The following ZFP64 variants were observed in gnomAD, a reference collection of about 807,000 sequenced individuals.
ZFP64 encodes the protein zinc finger protein 64.
A neutral mutation model predicts 51.6 loss-of-function variants in ZFP64; 14 were observed. The observed-to-expected ratio is 0.27, with a 90% confidence interval of 0.18 to 0.42. The LOEUF (loss-of-function observed/expected upper bound fraction) is 0.42, where lower values mean the gene tolerates loss of function less well. Among genes scored for constraint, ZFP64 ranks in the 10% least tolerant of loss-of-function variants. The pLI is 1.00. For missense variants in ZFP64, 754 were observed against 906.8 expected, an observed-to-expected ratio of 0.83 and a Z score of 2.16; for synonymous variants, 375 against 361.4, an observed-to-expected ratio of 1.04 and a Z score of -0.43.
intron 5 of ZFP64, chr20:52,105,097 C>A: frequency 7.2e-7 from 1 of 1,395,034 alleles, no homozygotes; most frequent in African/African-American, 1.5e-5. Flanking sequence ...CACCGGCCCC[C>A]AGCCCCCGGG....
rs1326706798 is a variant in ZFP64, at chr20:52,085,414, TA to T, written c.1229-149del. Reference sequence around the variant, plus strand: ...TCCTAATGACAACACTTGTTGTGCATATTAATGCAATCCTCACAACAATCCT... The same window carrying T: ...TCCTAATGACAACACTTGTTGTGCATTTAATGCAATCCTCACAACAATCCT... On this transcript the variant is annotated intron_variant, in intron 8 of 8. Coordinates refer to the ZFP64 transcript ENST00000361387. This position sits in a 1 kb window ranked among gnomAD's most constrained non-coding sequence, Gnocchi z 4.3. The T allele has an allele frequency of 1.2e-6, 1 of 848,522 alleles. No individual in the cohort carries two copies. Among genetic ancestry groups the T allele is most frequent in the Non-Finnish European group, 1.8e-6 (1 of 559,986 alleles). The allele number at this position is 848,522 out of a possible 1,614,324, so 52.6% of individuals were successfully genotyped here. A position where few individuals can be genotyped will look rare whatever the true frequency, so the allele number is the denominator to read the frequency against.
At chr20:52,157,255 A>C (rs1397640298) in intron 5 of ZFP64, among the ~76,000 whole-genome samples, 1 of 152,248 alleles carries the variant, frequency 6.6e-6, no homozygotes, top group Non-Finnish European at 1.5e-5. Context: ...GTTAAATGCC[A>C]AAAGTGCCTA....
chr20:52,138,135 A>T (rs1980074586), intron 5 of ZFP64, among the ~76,000 whole-genome samples: 1 of 152,106 alleles, frequency 6.6e-6, no homozygotes. Context: ...TGGGCTGGGG[A>T]GGTAAAGGCT....
intron 2 of ZFP64, among the ~76,000 whole-genome samples, chr20:52,175,545 T>C (rs1479246794): frequency 1.3e-5 from 2 of 152,170 alleles, no homozygotes; most frequent in East Asian, 3.9e-4. Flanking sequence ...AACTGTAAAC[T>C]CAGAATTCAC....
chr20:52,122,231 T>C (rs191960886), intron 5 of ZFP64, among the ~76,000 whole-genome samples: 1 of 152,170 alleles, frequency 6.6e-6, no homozygotes, highest in East Asian at 1.9e-4. Flanking sequence ...ATTTAAGAAA[T>C]ACATTTTACT....
At chr20:52,114,630 T>C (rs1215482830) in intron 5 of ZFP64, among the ~76,000 whole-genome samples, 1 of 152,160 alleles carries the variant, frequency 6.6e-6, no homozygotes, top group African/African-American at 2.4e-5. Context: ...TACAGGGAAA[T>C]TGGTTTTCTA....
At chr20:52,142,569 C>G (rs866879968) in intron 5 of ZFP64, among the ~76,000 whole-genome samples, 2 of 151,890 alleles carry the variant, frequency 1.3e-5, no homozygotes, top group Non-Finnish European at 2.9e-5. Flanking sequence ...AGGCCAAGTG[C>G]GGTGGCGCAT....
In ZFP64 at chr20:52,191,730, A is replaced by C; in HGVS notation, c.-94T>G. The C allele has an allele frequency of 2.2e-6, 3 of 1,377,886 alleles. No individual in the cohort carries two copies. Among genetic ancestry groups the C allele is most frequent in the Non-Finnish European group, 1.9e-6 (2 of 1,044,812 alleles). 85.4% of individuals were successfully genotyped at this position (1,377,886 alleles called of 1,614,324 possible). A position where few individuals can be genotyped will look rare whatever the true frequency, so the allele number is the denominator to read the frequency against. On this transcript the variant is annotated 5_prime_UTR_variant, in exon 1 of 6. Transcript: ENST00000216923. This position sits in a 1 kb window ranked among gnomAD's most constrained non-coding sequence, Gnocchi z 4.3. ...AGGACTTTTCCTTTTATTTTTCCACACCCCCCACCCTGCCTTCTCCCAACT... is the reference window on the plus strand; with the variant it reads ...AGGACTTTTCCTTTTATTTTTCCACCCCCCCCACCCTGCCTTCTCCCAACT...
At chr20:52,105,171 C>G (rs776074018) in intron 5 of ZFP64, 2 of 1,442,980 alleles carry the variant, frequency 1.4e-6, no homozygotes, top group Non-Finnish European at 1.8e-6. Context: ...TCCGCACACT[C>G]CCGGCGCGCA....
chr20:52,098,523 C>T lies in ZFP64; in HGVS notation c.828G>A (p.Pro276=), dbSNP rs73914215. ...AGGGAAGAGTGATGACAGGGGCCTT[C>T]GGAGTGTCAGTGCTTTCAGTGGAGA... The change falls in exon 6 of 9, where the codon CCG becomes CCA. Residue 276 remains proline (P), a synonymous_variant. Coordinates refer to the ZFP64 transcript ENST00000361387. 4,688 of 1,614,004 alleles carry T rather than the reference C, an allele frequency of 2.9e-3. 84 individuals are homozygous for T. In the African/African-American group the frequency reaches 0.045, roughly 16 times the overall value.
chr20:52,165,979 C>T lies in ZFP64; in HGVS notation c.333G>A (p.Leu111=), dbSNP rs535999964. The change falls in exon 3 of 6, where the codon CTG becomes CTA. Residue 111 remains leucine, a synonymous_variant. Coordinates refer to ENST00000216923, the MANE Select transcript of ZFP64 (RefSeq NM_018197.3). ...FVFEHGYQTY[L]PTESNENQTA... ...TCTGGTTTTCATTACTTTCCGTGGG[C>T]AGGTAAGTTTGATAGCCATGTTCAA... 1 of 1,613,554 alleles carries T rather than the reference C, an allele frequency of 6.2e-7. No individual in the cohort carries two copies. Among genetic ancestry groups the T allele is most frequent in the East Asian group, 2.2e-5 (1 of 44,868 alleles).
chr20:52,143,707 T>A (rs1416885467), intron 5 of ZFP64, among the ~76,000 whole-genome samples: 2 of 141,458 alleles, frequency 1.4e-5, no homozygotes, highest in African/African-American at 5.1e-5. Context: ...GGCCAATTTT[T>A]TTTTTTATTA....
At chr20:52,164,551 A>T (rs986043885) in intron 4 of ZFP64, 144 bp downstream of exon 4, 10 of 719,036 alleles carry the variant, frequency 1.4e-5, no homozygotes, top group Middle Eastern at 4.0e-4. Context: ...TACAAATGGC[A>T]CCTTATTTTT....
At chr20:52,088,256 A>C in intron 8 of ZFP64, 5 of 1,376,930 alleles carry the variant, frequency 3.6e-6, no homozygotes, top group Non-Finnish European at 4.9e-6. Flanking sequence ...GACAAATCTC[A>C]CAATTATCAC....
intron 7 of ZFP64, chr20:52,088,758 T>A: frequency 7.4e-7 from 1 of 1,348,066 alleles, no homozygotes; most frequent in Non-Finnish European, 1.0e-6. Flanking sequence ...GTCCAAATAC[T>A]GAGAGAGAAA....
At chr20:52,130,892 C>A (rs1003265782) in intron 5 of ZFP64, among the ~76,000 whole-genome samples, 2 of 151,850 alleles carry the variant, frequency 1.3e-5, no homozygotes, top group African/African-American at 4.8e-5. Flanking sequence ...TGGTGAAACA[C>A]CATCTCTACT....
chr20:52,124,696 A>T (rs912502229), intron 5 of ZFP64, among the ~76,000 whole-genome samples: 8 of 151,286 alleles, frequency 5.3e-5, no homozygotes, highest in African/African-American at 1.9e-4. Context: ...TGCAGCCTTG[A>T]CCTCCCAGGC....
In ZFP64 at chr20:52,153,348, A is replaced by C. The variant is rs1279305457; in HGVS notation, c.844T>G (p.Ser282Ala). 1 of 1,614,152 alleles carries C rather than the reference A, an allele frequency of 6.2e-7. No homozygotes were observed. Among genetic ancestry groups the C allele is most frequent in the Non-Finnish European group, 8.5e-7 (1 of 1,180,040 alleles). The change falls in exon 6 of 6, where the codon TCG becomes GCG. Residue 282 changes from serine to alanine, a missense_variant. Around this residue, in one of 3 missense-constraint regions of ZFP64, gnomAD observed 231 missense variants for 336.7 expected, o/e 0.69. Transcript: ENST00000216923. This position sits in a 1 kb window ranked among gnomAD's most constrained non-coding sequence, Gnocchi z 5.1. Reference protein sequence around the residue: ...SDLKRHMRVHSGEKPFKCEFC... With the variant: ...SDLKRHMRVHAGEKPFKCEFC... ...TCGCACTTGAAAGGCTTCTCCCCCG[A>C]GTGCACCCGCATGTGCCTTTTCAAG... is the stretch of plus-strand genomic sequence containing the variant.
chr20:52,125,184 G>C (rs1359386203), intron 5 of ZFP64, among the ~76,000 whole-genome samples: 1 of 152,222 alleles, frequency 6.6e-6, no homozygotes, highest in African/African-American at 2.4e-5. Flanking sequence ...GATGCAACCA[G>C]AGCTTCTCTC....
Sources: allele counts gnomAD v4.1 joint callset (sites outside exome capture counted in the v4.1 genomes callset), GRCh38; gene constraint gnomAD v4.1.1; regional missense constraint gnomAD v4.1.1; non-coding constraint Gnocchi (gnomAD v3.1); transcripts MANE v1.5; gene names NCBI Gene and HGNC (gene_info 2026-07-23, HGNC 2026-07-21).